Variants in PPP2CB observed in about 807,000 individuals in gnomAD.
The protein encoded by PPP2CB is protein phosphatase 2 catalytic subunit beta, also known as serine/threonine-protein phosphatase 2A catalytic subunit beta isoform.
Under a neutral mutation model 39.1 loss-of-function variants are expected in PPP2CB, and 18 were observed. The ratio of observed to expected loss-of-function variants is 0.46; its 90% CI spans 0.32 to 0.68. The LOEUF is 0.68. Ranked by LOEUF, PPP2CB falls within the 30% of genes least tolerant of loss-of-function variation. The pLI, the probability that PPP2CB is intolerant of heterozygous loss-of-function variation, is 0.04. For missense variants in PPP2CB, 226 were observed against 396.9 expected (o/e 0.57, Z 3.66); for synonymous variants, 129 against 133.8 (o/e 0.96, Z 0.25).
At chr8:30,796,957 C>T (rs1398572961) in intron 3 of PPP2CB, among the ~76,000 whole-genome samples, 5 of 152,180 alleles carry the variant, frequency 3.3e-5, no homozygotes, top group Non-Finnish European at 7.3e-5. Flanking sequence ...GATCCTCTCA[C>T]CTCTAGCTTC....
chr8:30,803,778 AC>A (rs1806665352), intron 1 of PPP2CB, among the ~76,000 whole-genome samples: 1 of 119,024 alleles, frequency 8.4e-6, no homozygotes, highest in African/African-American at 5.8e-5. Flanking sequence ...TAAATGGCTA[AC>A]TTTTGGAGAA....
Position 30,791,972 on chromosome 8 carries a change from A to C in PPP2CB, c.739-657T>G, listed in dbSNP as rs547186606. Among the ~76,000 whole-genome samples the C allele has an allele frequency of 1.4e-3, 121 of 88,080 alleles. 1 individual carries two copies. The highest frequency in any genetic ancestry group is 3.7e-3 in the Admixed American group (29 of 7,816). The allele number at this position is 88,080 out of a possible 152,430, so 57.8% of individuals were successfully genotyped here. On this transcript the variant is annotated intron_variant, in intron 5 of 6. Coordinates refer to ENST00000221138, the MANE Select transcript of PPP2CB (RefSeq NM_001009552.2). ...TGTGCGCATATATGTATACGTGTGT[A>C]TATGTGTATATATACGTGTGCATAT...
chr8:30,803,355 C>T (rs112961591), intron 1 of PPP2CB, among the ~76,000 whole-genome samples: 178 of 152,042 alleles, frequency 1.2e-3, no homozygotes, highest in African/African-American at 3.9e-3. Flanking sequence ...TCACCTTGGA[C>T]AACATGAGGA....
chr8:30,805,434 C>T (rs1293497953), intron 1 of PPP2CB, among the ~76,000 whole-genome samples: 1 of 152,036 alleles, frequency 6.6e-6, no homozygotes, highest in African/African-American at 2.4e-5. Context: ...GTGGCAGGCA[C>T]CTGTAGTCCC....
chr8:30,794,107 A>C (rs1263779051), intron 4 of PPP2CB, 29 bp from the exon 5 acceptor site: 2 of 1,603,054 alleles, frequency 1.2e-6, no homozygotes, highest in South Asian at 1.1e-5. Context: ...TACATGTTAC[A>C]AATTATTATC....
intron 5 of PPP2CB, chr8:30,793,341 T>G (rs1806468394): frequency 1.3e-5 from 2 of 152,212 alleles, no homozygotes; most frequent in Admixed American, 1.3e-4. Context: ...AACCTAATCT[T>G]TGGATTCGAC....
intron 5 of PPP2CB, 167 bp downstream of exon 5, chr8:30,793,749 CT>C (rs1806477192): frequency 1.6e-6 from 1 of 633,540 alleles, no homozygotes; most frequent in African/African-American, 1.9e-5. Context: ...AGTTATAATT[CT>C]GCTCTGGTCT....
At chr8:30,787,712 A>C (rs1806367259) in intron 6 of PPP2CB, among the ~76,000 whole-genome samples, 3 of 152,144 alleles carry the variant, frequency 2.0e-5, no homozygotes, top group Admixed American at 6.5e-5. Context: ...GGGGAGTTTT[A>C]ACTTTTTCAC....
chr8:30,790,910 G>A lies in PPP2CB; in HGVS notation c.857+287C>T, dbSNP rs139192180. The A allele has an allele frequency of 4.7e-4, 119 of 253,664 alleles. 1 individual carries two copies. Among genetic ancestry groups the A allele is most frequent in the African/African-American group, 2.4e-3 (105 of 43,336 alleles). The allele number at this position is 253,664 out of a possible 1,614,324, so 15.7% of individuals were successfully genotyped here. A position where few individuals can be genotyped will look rare whatever the true frequency, so the allele number is the denominator to read the frequency against. ...TGAGAGGGATCTGGGAGGAGTTGGA[G>A]GGGGCAAGTCATAGCTCAAATGCCA... On this transcript the variant is annotated intron_variant, in intron 6 of 6. Transcript: ENST00000221138.
chr8:30,812,178 G>A, intron 1 of PPP2CB, 142 bp downstream of exon 1: 1 of 442,028 alleles, frequency 2.3e-6, no homozygotes, highest in Non-Finnish European at 3.4e-6. Context: ...GGCCGCCTAG[G>A]TGGACGCCGG....
At chr8:30,803,872 A>G (rs1019897567) in intron 1 of PPP2CB, among the ~76,000 whole-genome samples, 3 of 151,052 alleles carry the variant, frequency 2.0e-5, no homozygotes, top group Non-Finnish European at 2.9e-5. Flanking sequence ...GCTGGAGTGC[A>G]GTGGCGCGAT....
intron 2 of PPP2CB, 62 bp downstream of exon 2, chr8:30,799,484 G>T: frequency 3.7e-6 from 5 of 1,356,502 alleles, no homozygotes; most frequent in Non-Finnish European, 5.2e-6. Flanking sequence ...ATGCAATACT[G>T]TCATTCTTGC....
chr8:30,812,461 G>GCCGCCGC lies in PPP2CB; in HGVS notation c.-47_-41dup, dbSNP rs767599877. On this transcript the variant is annotated 5_prime_UTR_variant, in exon 1 of 7. Transcript: ENST00000221138. ...GATGCGGATCCCGAGCCCCAGCCCG[G>GCCGCCGC]CCGCCGCCCTCCCCCCTCCCCACCC... is the stretch of plus-strand genomic sequence containing the variant. 1.4e-6 allele frequency: 2 copies of GCCGCCGC among 1,408,614 alleles called. No homozygotes were observed. The highest frequency in any genetic ancestry group is 3.0e-5 in the African/African-American group (2 of 67,194). The allele number at this position is 1,408,614 out of a possible 1,614,324, so 87.3% of individuals were successfully genotyped here. A position where few individuals can be genotyped will look rare whatever the true frequency, so the allele number is the denominator to read the frequency against.
chr8:30,807,717 A>G (rs766348292), intron 1 of PPP2CB, among the ~76,000 whole-genome samples: 7 of 152,234 alleles, frequency 4.6e-5, no homozygotes, highest in Non-Finnish European at 7.3e-5. Flanking sequence ...TTCTAGTCAC[A>G]GAGTGTCCTG....
intron 1 of PPP2CB, chr8:30,810,083 C>G (rs758467920): frequency 6.6e-6 from 1 of 152,218 alleles, no homozygotes; most frequent in Non-Finnish European, 1.5e-5. Context: ...CTCAAGTGAT[C>G]GTTGACACTC....
chr8:30,800,891 C>G (rs1399079387), intron 1 of PPP2CB, among the ~76,000 whole-genome samples: 2 of 152,116 alleles, frequency 1.3e-5, no homozygotes, highest in Non-Finnish European at 2.9e-5. Flanking sequence ...GAGGAAGAAA[C>G]AACCGGATGG....
chr8:30,788,682 G>T (rs1563574508), intron 6 of PPP2CB, among the ~76,000 whole-genome samples: 1 of 152,236 alleles, frequency 6.6e-6, no homozygotes. Context: ...TGAGAGGAAA[G>T]TATTCTGCTG....
At chr8:30,812,217 G>A (rs1486675011) in intron 1 of PPP2CB, 103 bp downstream of exon 1, 4 of 823,884 alleles carry the variant, frequency 4.9e-6, no homozygotes, top group Non-Finnish European at 6.3e-6. Flanking sequence ...GCAGGCCCCC[G>A]GTGGGCCGCG....
intron 1 of PPP2CB, among the ~76,000 whole-genome samples, chr8:30,804,149 G>A (rs1806679020): frequency 6.6e-6 from 1 of 152,100 alleles, no homozygotes; most frequent in Non-Finnish European, 1.5e-5. Flanking sequence ...AACAAAAAAA[G>A]AATATGCCAA....
Sources: allele counts gnomAD v4.1 joint callset (sites outside exome capture counted in the v4.1 genomes callset), GRCh38; gene constraint gnomAD v4.1.1; transcripts MANE v1.5; gene names NCBI Gene and HGNC (gene_info 2026-07-23, HGNC 2026-07-21).